Variants in EFHB observed in about 807,000 individuals in gnomAD.
The protein encoded by EFHB is EF-hand domain-containing family member B.
A neutral mutation model predicts 87.2 loss-of-function variants in EFHB; 91 were observed. The ratio of observed to expected loss-of-function variants is 1.04; its 90% confidence interval spans 0.88 to 1.24. EFHB has a LOEUF of 1.24. Among genes scored for constraint, EFHB ranks in the 50% most tolerant of loss-of-function variants. EFHB has a pLI of 0.00. For missense variants in EFHB, 1,084 were observed against 998.8 expected, an observed-to-expected ratio of 1.09 and a Z score of -1.15; for synonymous variants, 325 against 333.6, an observed-to-expected ratio of 0.97 and a Z score of 0.28.
intron 11 of EFHB, among the ~76,000 whole-genome samples, chr3:19,882,950 C>T (rs1209778528): frequency 2.6e-5 from 4 of 151,862 alleles, no homozygotes; most frequent in East Asian, 1.9e-4. Flanking sequence ...GAATATATAT[C>T]GTATTAAAAT....
At chr3:19,939,690 C>G (rs551623298) in intron 1 of EFHB, among the ~76,000 whole-genome samples, 4 of 151,296 alleles carry the variant, frequency 2.6e-5, no homozygotes, top group Non-Finnish European at 5.9e-5. Flanking sequence ...GCCCATGGGT[C>G]TCCCTCTTTC....
chr3:19,882,777 T>A, intron 11 of EFHB, 46 bp from the exon 12 acceptor site: 1 of 1,544,364 alleles, frequency 6.5e-7, no homozygotes, highest in Non-Finnish European at 8.8e-7. Context: ...AAAACAAAGC[T>A]GTGTAACACA....
At chr3:19,932,232 G>T (rs550462665) in intron 1 of EFHB, among the ~76,000 whole-genome samples, 3 of 152,242 alleles carry the variant, frequency 2.0e-5, no homozygotes, top group African/African-American at 4.8e-5. Context: ...TTGGAATGTT[G>T]TTCTAACTAC....
At chr3:19,908,650 A>AAGACAGAAAGAAAGAAAGAC (rs1445604787) in intron 5 of EFHB, among the ~76,000 whole-genome samples, 4 of 149,740 alleles carry the variant, frequency 2.7e-5, no homozygotes, top group African/African-American at 9.9e-5. Context: ...GAAAGAAAGA[A>AAGACAGAAAGAAAGAAAGAC]AGAAAAAGAA....
chr3:19,885,100 T>C (rs528974596), intron 10 of EFHB, among the ~76,000 whole-genome samples: 1 of 151,446 alleles, frequency 6.6e-6, no homozygotes, highest in Admixed American at 6.6e-5. Flanking sequence ...CAGGCGCCTG[T>C]AACCCCAGCT....
chr3:19,887,475 TAA>T, intron 10 of EFHB, among the ~76,000 whole-genome samples: 1 of 152,018 alleles, frequency 6.6e-6, no homozygotes, highest in East Asian at 1.9e-4. Flanking sequence ...TAGACATGCT[TAA>T]AATATATACA....
chr3:19,915,811 G>C (rs1213677041), intron 4 of EFHB, among the ~76,000 whole-genome samples: 1 of 149,516 alleles, frequency 6.7e-6, no homozygotes, highest in Non-Finnish European at 1.5e-5. Context: ...CATCTCTACT[G>C]AAAATACAAA....
rs79886806 is a variant in EFHB at position 19,932,033 on chromosome 3, A to G, written c.789+1197T>C. On this transcript the variant is annotated intron_variant, in intron 1 of 12. Transcript: ENST00000295824. Reference sequence around the variant, plus strand: ...TGAAGATAGCCAACACTGGACATTCATTTGCCACCAAACCCAAAGAGATCA... The same window carrying G: ...TGAAGATAGCCAACACTGGACATTCGTTTGCCACCAAACCCAAAGAGATCA... 6.6e-5 allele frequency among the ~76,000 whole-genome samples: 10 copies of G among 152,252 alleles called. No individual in the cohort carries two copies. The South Asian group carries it at 8.3e-4, about 13-fold the overall frequency.
At chr3:19,895,081 T>C (rs1208838567) in intron 9 of EFHB, 5 of 148,052 alleles carry the variant, frequency 3.4e-5, no homozygotes, top group African/African-American at 1.2e-4. Flanking sequence ...ATACATAATT[T>C]ATATTTATAT....
chr3:19,881,395 T>C (rs1465563403), intron 12 of EFHB, among the ~76,000 whole-genome samples: 1 of 152,216 alleles, frequency 6.6e-6, no homozygotes, highest in Non-Finnish European at 1.5e-5. Flanking sequence ...AAGCAGGTCT[T>C]TGACTTCTTA....
At chr3:19,943,855 C>T (rs756847205) in intron 1 of EFHB, among the ~76,000 whole-genome samples, 1 of 152,112 alleles carries the variant, frequency 6.6e-6, no homozygotes, top group Admixed American at 6.5e-5. Flanking sequence ...TTAAGTGGAA[C>T]GATGCGTAAT....
intron 9 of EFHB, among the ~76,000 whole-genome samples, chr3:19,892,517 C>T (rs2125124647): frequency 6.6e-6 from 1 of 152,310 alleles, no homozygotes; most frequent in East Asian, 1.9e-4. Flanking sequence ...TGCAACAGCA[C>T]CATGCAACAG....
chr3:19,885,222 CAA>C (rs11395084), intron 10 of EFHB, among the ~76,000 whole-genome samples: 11 of 93,716 alleles, frequency 1.2e-4, no homozygotes, highest in African/African-American at 2.2e-4. Flanking sequence ...GACTTCGTCT[CAA>C]AAAAAAAAAA....
intron 5 of EFHB, among the ~76,000 whole-genome samples, chr3:19,909,510 G>A (rs981599993): frequency 6.6e-6 from 1 of 152,200 alleles, no homozygotes; most frequent in Non-Finnish European, 1.5e-5. Flanking sequence ...GAACTCTTAG[G>A]CGACTCCCAG....
intron 11 of EFHB, 146 bp from the exon 12 acceptor site, chr3:19,882,877 A>T: frequency 3.7e-6 from 2 of 540,448 alleles, no homozygotes; most frequent in Non-Finnish European, 5.6e-6. Context: ...CAAACATTTT[A>T]GTAAAAAAAG....
intron 5 of EFHB, among the ~76,000 whole-genome samples, chr3:19,908,739 T>A (rs902202032): frequency 2.6e-5 from 4 of 152,120 alleles, no homozygotes; most frequent in African/African-American, 9.7e-5. Context: ...TATAAAAGTA[T>A]CTATCACTTT....
intron 5 of EFHB, among the ~76,000 whole-genome samples, chr3:19,908,598 G>GAAA: frequency 1.3e-5 from 1 of 77,796 alleles, no homozygotes; most frequent in African/African-American, 5.0e-5. Context: ...GAGAGAGAGA[G>GAAA]AGAAAGAAAG....
At chr3:19,882,998 T>C (rs1189679194) in intron 11 of EFHB, among the ~76,000 whole-genome samples, 1 of 152,100 alleles carries the variant, frequency 6.6e-6, no homozygotes, top group Non-Finnish European at 1.5e-5. Flanking sequence ...TGACTTTTTT[T>C]TCTTTTTCTT....
chr3:19,887,974 T>C (rs1460684965), intron 10 of EFHB, among the ~76,000 whole-genome samples: 1 of 152,142 alleles, frequency 6.6e-6, no homozygotes, highest in African/African-American at 2.4e-5. Flanking sequence ...GAATAAATAA[T>C]ACATGGTTCC....
Sources: gnomAD v4.1 joint callset for allele counts (sites outside exome capture counted in the v4.1 genomes callset) on GRCh38, gnomAD v4.1.1 for gene constraint, MANE v1.5 for transcripts, NCBI Gene and HGNC (gene_info 2026-07-23, HGNC 2026-07-21) for gene names.